Variants in VAT1 observed in about 807,000 individuals in gnomAD.
VAT1 encodes the protein vesicle amine transport 1, also known as NADPH-dependent quinone oxidoreductase VAT1.
In VAT1, 24 loss-of-function variants were observed where a neutral mutation model predicts 33.3. The observed-to-expected ratio is 0.72, with a 90% confidence interval of 0.52 to 1.01. VAT1 has a LOEUF of 1.01. VAT1 is among the 50% of genes least tolerant of loss of function. The pLI is 0.00. For missense variants in VAT1, 436 were observed against 533.7 expected (o/e 0.82, Z 1.80); for synonymous variants, 212 against 225.0 (o/e 0.94, Z 0.52).
At chr17:43,017,775 A>G in intron 4 of VAT1, 66 bp downstream of exon 4, 2 of 1,487,764 alleles carry the variant, frequency 1.3e-6, no homozygotes, top group Non-Finnish European at 1.9e-6. Context: ...TGGCCTCTAT[A>G]TCCCACCCCT....
chr17:43,020,164 G>C (rs1230144304), intron 1 of VAT1: 1 of 985,230 alleles, frequency 1.0e-6, no homozygotes, highest in Non-Finnish European at 1.2e-6. Context: ...CTAACCCTCA[G>C]GCCATCCAAA....
chr17:43,022,352 T>G lies in VAT1; in HGVS notation c.-30A>C. The G allele has an allele frequency of 1.3e-6, 2 of 1,531,100 alleles. No homozygotes were observed. The highest frequency in any genetic ancestry group is 2.4e-5 in the South Asian group (2 of 84,166). The allele number at this position is 1,531,100 out of a possible 1,614,324, so 94.8% of individuals were successfully genotyped here. ...GGGACTCCCGACGAGAGCGCACAGC[T>G]GGATGGAGAGTGCACAGCTGGGGAA... On this transcript the variant is annotated 5_prime_UTR_variant, in exon 1 of 6. Coordinates refer to ENST00000355653, the MANE Select transcript of VAT1 (RefSeq NM_006373.4).
intron 1 of VAT1, among the ~76,000 whole-genome samples, chr17:43,021,227 CAGG>C (rs889026378): frequency 5.9e-5 from 9 of 152,220 alleles, no homozygotes; most frequent in Non-Finnish European, 1.2e-4. Flanking sequence ...GGCTGAGTCA[CAGG>C]AGGAGGAGAT....
intron 5 of VAT1, 54 bp downstream of exon 5, chr17:43,016,253 C>G: frequency 1.2e-6 from 2 of 1,606,930 alleles, no homozygotes; most frequent in African/African-American, 2.7e-5. Flanking sequence ...CCCCTTGGGA[C>G]CCCAGCCTTC....
At position 43,015,018 on chromosome 17, in the gene VAT1, AACAG is replaced by A. The variant is rs2050509206; in HGVS notation, c.*1039_*1042del. 6.5e-6 allele frequency: 1 copy of A among 152,686 alleles called. No homozygotes were observed. The highest frequency in any genetic ancestry group is 2.1e-4 in the South Asian group (1 of 4,834). The allele number at this position is 152,686 out of a possible 1,614,324, so 9.5% of individuals were successfully genotyped here. A position where few individuals can be genotyped will look rare whatever the true frequency, so the allele number is the denominator to read the frequency against. ...TTTTTACTTTGGTCCCAGTACAAGA[AACAG>A]ACAGCACTGCCTTTCAGAGCTCTGG... On this transcript the variant is annotated 3_prime_UTR_variant, in exon 6 of 6. Transcript: ENST00000355653.
chr17:43,020,406 G>T (rs2151971678), intron 1 of VAT1: 1 of 521,902 alleles, frequency 1.9e-6, no homozygotes, highest in Non-Finnish European at 2.5e-6. Context: ...GCCTGCTCAA[G>T]AGTGGGATCA....
rs778446415 is a variant in VAT1 at position 43,018,083 on chromosome 17, T to C, written c.719A>G (p.Tyr240Cys). The C allele has an allele frequency of 1.5e-5, 24 of 1,614,212 alleles. No homozygotes were observed. The highest frequency in any genetic ancestry group is 3.3e-5 in the South Asian group (3 of 91,084). The change falls in exon 3 of 6, where the codon TAT (tyrosine) becomes TGT (cysteine). Residue 240 changes from tyrosine (Y) to cysteine (C), a missense_variant. Physicochemically the swap from Tyr to Cys is radical, Grantham distance 194. Coordinates refer to ENST00000355653, the MANE Select transcript of VAT1 (RefSeq NM_006373.4). ...KENGVTHPID[Y>C]HTTDYVDEIK... The stretch of plus-strand genomic sequence containing the variant: ...CTCATCCACGTAGTCAGTCGTGTGA[T>C]AGTCGATGGGATGTGTGACCCCATT...
At chr17:43,021,743 C>T (rs1008635636) in intron 1 of VAT1, among the ~76,000 whole-genome samples, 193 bp downstream of exon 1, 1 of 152,052 alleles carries the variant, frequency 6.6e-6, no homozygotes, top group African/African-American at 2.4e-5. Flanking sequence ...GCGATAATTT[C>T]GTCTCCCCTC....
At position 43,022,095 on chromosome 17, in the gene VAT1, G is replaced by A. The variant is rs769404871; in HGVS notation, c.228C>T (p.Pro76=). 1.9e-6 allele frequency: 3 copies of A among 1,579,508 alleles called. No homozygotes were observed. Among genetic ancestry groups the A allele is most frequent in the South Asian group, 2.3e-5 (2 of 87,268 alleles). The change falls in exon 1 of 6, where the codon CCC becomes CCT. Residue 76 remains proline (P), a synonymous_variant. Transcript: ENST00000355653. ...CCCGCAGACGCAGCGTCAGCTGGCCGGGCCCAGGGGCCGGGGGCGCTGCCG... is the reference window on the plus strand; with the variant it reads ...CCCGCAGACGCAGCGTCAGCTGGCCAGGCCCAGGGGCCGGGGGCGCTGCCG... ...SRPAAPPAPG[P]GQLTLRLRAC...
chr17:43,017,802 C>A (rs2050533120), intron 4 of VAT1, 39 bp downstream of exon 4: 9 of 1,597,734 alleles, frequency 5.6e-6, no homozygotes, highest in Non-Finnish European at 6.9e-6. Context: ...CTCCCTCCTG[C>A]CCTCACATGC....
chr17:43,019,098 T>C (rs1244123453), intron 1 of VAT1: 4 of 409,922 alleles, frequency 9.8e-6, no homozygotes, highest in Non-Finnish European at 1.8e-5. Context: ...AGATCTTACA[T>C]GTCACTATTG....
At position 43,015,804 on chromosome 17, in the gene VAT1, G is replaced by A; in HGVS notation, c.*257C>T. ...ACAGCAGGCCCGGGGAAAGGGTGGG[G>A]GCAGGAAGCAGCCGGCCTCCCTCTG... On this transcript the variant is annotated 3_prime_UTR_variant, in exon 6 of 6. Coordinates refer to ENST00000355653, the MANE Select transcript of VAT1 (RefSeq NM_006373.4). 3.6e-6 allele frequency: 2 copies of A among 557,226 alleles called. No individual in the cohort carries two copies. Among genetic ancestry groups the A allele is most frequent in the Non-Finnish European group, 6.4e-6 (2 of 312,198 alleles). The allele number at this position is 557,226 out of a possible 1,614,324, so 34.5% of individuals were successfully genotyped here. A position where few individuals can be genotyped will look rare whatever the true frequency, so the allele number is the denominator to read the frequency against.
intron 1 of VAT1, among the ~76,000 whole-genome samples, chr17:43,021,644 G>A (rs1247174484): frequency 6.8e-6 from 1 of 146,416 alleles, no homozygotes; most frequent in African/African-American, 2.5e-5. Flanking sequence ...TAGTGTGGTT[G>A]TGCGCATGCG....
chr17:43,021,606 T>TGGGGGGGGG (rs35999638), intron 1 of VAT1, among the ~76,000 whole-genome samples: 28 of 49,402 alleles, frequency 5.7e-4, no homozygotes, highest in Admixed American at 9.2e-4. Flanking sequence ...GTGGTTTTAA[T>TGGGGGGGGG]GGGGGGGGGG....
At position 43,016,371 on chromosome 17, in the gene VAT1, A is replaced by G; in HGVS notation, c.1034T>C (p.Leu345Pro). Residue 345 changes from leucine to proline, a missense_variant, in exon 5 of 6, where the codon CTC becomes CCC. Coordinates refer to ENST00000355653, the MANE Select transcript of VAT1 (RefSeq NM_006373.4). ...VELVSGVVAR[L>P]LALYNQGHIK... Reference sequence around the variant, plus strand: ...GTGGCCCTGGTTGTACAGAGCCAGGAGGCGGGCCACCACACCACTGACCAG... The same window carrying G: ...GTGGCCCTGGTTGTACAGAGCCAGGGGGCGGGCCACCACACCACTGACCAG... The G allele has an allele frequency of 6.2e-7, 1 of 1,613,030 alleles. No individual in the cohort carries two copies. The highest frequency in any genetic ancestry group is 8.5e-7 in the Non-Finnish European group (1 of 1,180,030).
intron 4 of VAT1, among the ~76,000 whole-genome samples, chr17:43,017,370 A>G (rs1227918595): frequency 4.0e-5 from 6 of 150,988 alleles, no homozygotes; most frequent in Non-Finnish European, 7.4e-5. Context: ...ATCACCTGAG[A>G]TCAGGAGTTC....
chr17:43,016,100 G>C lies in VAT1; in HGVS notation c.1143C>G (p.Gly381=). 6.2e-7 allele frequency: 1 copy of C among 1,614,176 alleles called. No homozygotes were observed. The highest frequency in any genetic ancestry group is 8.5e-7 in the Non-Finnish European group (1 of 1,180,032). Residue 381 remains glycine, a synonymous_variant, in exon 6 of 6, where the codon GGC becomes GGG. Transcript: ENST00000355653. Reference sequence around the variant, plus strand: ...CTGGCCCTGGAACCAGGAGGACCTTGCCCACATTCTTCTTCTCCTGCATCT... The same window carrying C: ...CTGGCCCTGGAACCAGGAGGACCTTCCCCACATTCTTCTTCTCCTGCATCT... ...MKQMQEKKNV[G]KVLLVPGPEK...
intron 4 of VAT1, 36 bp from the exon 5 acceptor site, chr17:43,016,584 C>CA: frequency 6.2e-7 from 1 of 1,605,786 alleles, no homozygotes; most frequent in Non-Finnish European, 8.5e-7. Context: ...TGAACCCCCC[C>CA]AGGCACATCC....
chr17:43,021,165 C>A (rs1460929302), intron 1 of VAT1, among the ~76,000 whole-genome samples: 3 of 152,198 alleles, frequency 2.0e-5, no homozygotes, highest in Non-Finnish European at 4.4e-5. Flanking sequence ...CCTTCCACTC[C>A]CCGCCCCAGG....
Sources: gnomAD v4.1 joint callset for allele counts (sites outside exome capture counted in the v4.1 genomes callset) on GRCh38, gnomAD v4.1.1 for gene constraint, MANE v1.5 for transcripts, NCBI Gene and HGNC (gene_info 2026-07-23, HGNC 2026-07-21) for gene names.